SACS: variants seen among roughly 807,000 people sequenced by gnomAD.
SACS encodes the protein sacsin molecular chaperone, also known as sacsin.
A neutral mutation model predicts 348.0 loss-of-function variants in SACS; 197 were observed. That is an observed-to-expected ratio of 0.57 (90% CI 0.50 to 0.64). SACS has a LOEUF of 0.64. Ranked by LOEUF, SACS falls within the 30% of genes least tolerant of loss-of-function variation. The pLI is 0.00. For synonymous variants in SACS, 1,985 were observed against 1,910.6 expected, an observed-to-expected ratio of 1.04 and a Z score of -1.02; for missense variants, 4,999 against 5,360.8, an observed-to-expected ratio of 0.93 and a Z score of 2.11.
chr13:23,372,870 T>G (rs1242108937), intron 3 of SACS, among the ~76,000 whole-genome samples: 1 of 152,208 alleles, frequency 6.6e-6, no homozygotes, highest in Non-Finnish European at 1.5e-5. Flanking sequence ...TTTTGACTTT[T>G]GCAAAGTCTC....
rs34389000 is a variant in SACS, at chr13:23,338,374, C to G, written c.5502G>C (p.Leu1834=). The change falls in exon 10 of 10, where the codon CTG becomes CTC. Residue 1834 remains leucine (L), a synonymous_variant. Transcript: ENST00000382292. ...MDTGEALKFS[L]SESGRRLGLV... ...GTCCTAGTCTTCTTCCACTCTCACT[C>G]AGGGAAAACTTCAGAGCCTCTCCTG... 1.2e-3 allele frequency: 1,868 copies of G among 1,614,096 alleles called. 19 individuals carry two copies. The African/African-American group carries it at 0.022, about 19-fold the overall frequency.
rs1303289497 is a variant in SACS, at chr13:23,336,689, G to C, written c.7187C>G (p.Thr2396Ser). ...CAAAACAAGAGCAAAATCTTCAACA[G>C]TGCATGACTGCCTCACACCCACGGT... ...FETVGVRQSCTVEDFALVLES... is the reference protein window; with the variant it reads ...FETVGVRQSCSVEDFALVLES... The change falls in exon 10 of 10, where the codon ACT becomes AGT. Residue 2396 changes from threonine (T) to serine (S), a missense_variant. Transcript: ENST00000382292. 2.5e-6 allele frequency: 4 copies of C among 1,613,684 alleles called. No individual in the cohort carries two copies. Among genetic ancestry groups the C allele is most frequent in the African/African-American group, 2.7e-5 (2 of 74,864 alleles).
chr13:23,378,324 A>G (rs1487618664), intron 2 of SACS, among the ~76,000 whole-genome samples: 1 of 152,198 alleles, frequency 6.6e-6, no homozygotes, highest in Non-Finnish European at 1.5e-5. Flanking sequence ...AGGACTTAGC[A>G]TTAGAAAGGA....
chr13:23,380,097 C>A (rs1165658763), intron 2 of SACS, among the ~76,000 whole-genome samples: 1 of 150,014 alleles, frequency 6.7e-6, no homozygotes, highest in Non-Finnish European at 1.5e-5. Flanking sequence ...GAAGGTCTCA[C>A]CCCACAGTGG....
At chr13:23,390,503 T>C (rs915999760) in intron 2 of SACS, among the ~76,000 whole-genome samples, 54 of 151,944 alleles carry the variant, frequency 3.6e-4, no homozygotes, top group Admixed American at 2.5e-3. Flanking sequence ...CTACAAAAAA[T>C]ATAAAAATTA....
chr13:23,366,135 A>C (rs1007835417), intron 5 of SACS, among the ~76,000 whole-genome samples: 2 of 152,180 alleles, frequency 1.3e-5, no homozygotes, highest in Admixed American at 6.5e-5. Flanking sequence ...GGGATCACTA[A>C]ATTGGAGGTA....
In SACS at chr13:23,377,022, TAAGTGA is replaced by T. The variant is rs577171051; in HGVS notation, c.21-1759_21-1754del. Among the ~76,000 whole-genome samples, 317 of 152,356 alleles carry T rather than the reference TAAGTGA, an allele frequency of 2.1e-3. 1 individual carries two copies. The highest frequency in any genetic ancestry group is 7.3e-3 in the African/African-American group (303 of 41,582). On this transcript the variant is annotated intron_variant, in intron 2 of 9. Coordinates refer to ENST00000382292, the MANE Select transcript of SACS (RefSeq NM_014363.6). Reference sequence around the variant, plus strand: ...TGGGTGACCCTTGCAGACATTCTGCTAAGTGAAAGAAGCCAGTCACTGAAGACCACA... The same window carrying T: ...TGGGTGACCCTTGCAGACATTCTGCTAAGAAGCCAGTCACTGAAGACCACA...
At chr13:23,369,181 G>A (rs890974524) in intron 4 of SACS, among the ~76,000 whole-genome samples, 1 of 152,162 alleles carries the variant, frequency 6.6e-6, no homozygotes, top group African/African-American at 2.4e-5. Context: ...AGAGACAGAG[G>A]TGCCTATTAT....
At chr13:23,368,110 T>C (rs1251161759) in intron 5 of SACS, among the ~76,000 whole-genome samples, 1 of 148,424 alleles carries the variant, frequency 6.7e-6, no homozygotes, top group Non-Finnish European at 1.5e-5. Flanking sequence ...TTGGTTGACG[T>C]GTAAAGCCCT....
At position 23,338,194 on chromosome 13, in the gene SACS, T is replaced by A; in HGVS notation, c.5682A>T (p.Ser1894=). The part of the protein sequence containing the change: ...VHINGCFAVT[S]NRKEIWKTDT... ...CTGTTTTCCAGATTTCTTTCCTATT[T>A]GATGTAACAGCAAAGCACCCATTGA... The change falls in exon 10 of 10, where the codon TCA becomes TCT. Residue 1894 remains serine, a synonymous_variant. Transcript: ENST00000382292. The A allele has an allele frequency of 6.2e-7, 1 of 1,614,156 alleles. No individual in the cohort carries two copies. The highest frequency in any genetic ancestry group is 8.5e-7 in the Non-Finnish European group (1 of 1,180,012).
In SACS at chr13:23,354,509, G is replaced by A. The variant is rs751417820; in HGVS notation, c.2093+10C>T. ...AGAGTGAACAGGAATGTTAGAAGGG[G>A]GACCCCTACCTTGGATATTCTGCTG... On this transcript the variant is annotated intron_variant, in intron 8 of 9. Coordinates refer to ENST00000382292, the MANE Select transcript of SACS (RefSeq NM_014363.6). 3.1e-6 allele frequency: 5 copies of A among 1,612,596 alleles called. No individual in the cohort carries two copies. The African/African-American group carries it at 5.3e-5, about 17-fold the overall frequency.
chr13:23,331,506 G>A lies in SACS; in HGVS notation c.12370C>T (p.Leu4124=), dbSNP rs2137559122. Residue 4124 remains leucine (L), a synonymous_variant, in exon 10 of 10, where the codon CTA becomes TTA. Transcript: ENST00000382292. The part of the protein sequence containing the change: ...ISDTSYLIAM[L]GCNDIYRIGE... ...ATCCTGTAAATATCATTGCATCCTA[G>A]CATAGCAATTAAATATGAAGTGTCA... 1 of 1,613,780 alleles carries A rather than the reference G, an allele frequency of 6.2e-7. No individual in the cohort carries two copies. The highest frequency in any genetic ancestry group is 8.5e-7 in the Non-Finnish European group (1 of 1,179,812).
rs2137627584 is a variant in SACS at position 23,339,419 on chromosome 13, T to A, written c.4457A>T (p.Asp1486Val). The change falls in exon 10 of 10, where the codon GAT (aspartate) becomes GTT (valine). Residue 1486 changes from aspartate to valine, a missense_variant. By Grantham distance (152) the Asp-to-Val change is radical. Coordinates refer to ENST00000382292, the MANE Select transcript of SACS (RefSeq NM_014363.6). ...DIFKELLQNA[D>V]DANATECSFL... ...ACTGCATTCTGTTGCATTTGCATCATCAGCGTTTTGAAGTAGTTCTTTAAA... is the reference window on the plus strand; with the variant it reads ...ACTGCATTCTGTTGCATTTGCATCAACAGCGTTTTGAAGTAGTTCTTTAAA... The A allele has an allele frequency of 5.6e-6, 9 of 1,609,422 alleles. No homozygotes were observed. The highest frequency in any genetic ancestry group is 1.1e-5 in the South Asian group (1 of 89,708).
At chr13:23,384,462 A>G (rs1872190437) in intron 2 of SACS, among the ~76,000 whole-genome samples, 1 of 152,214 alleles carries the variant, frequency 6.6e-6, no homozygotes, top group South Asian at 2.1e-4. Context: ...ACAAATTTAA[A>G]TTAGGGGAAG....
At chr13:23,416,487 G>A (rs867806686) in intron 1 of SACS, among the ~76,000 whole-genome samples, 22 of 152,240 alleles carry the variant, frequency 1.4e-4, no homozygotes, top group Middle Eastern at 3.4e-3. Flanking sequence ...ACCGGGCACC[G>A]TGGTTCACGC....
At chr13:23,386,252 T>A (rs1872287709) in intron 2 of SACS, among the ~76,000 whole-genome samples, 2 of 152,246 alleles carry the variant, frequency 1.3e-5, no homozygotes, top group African/African-American at 4.8e-5. Flanking sequence ...GACTGTTTCA[T>A]CTACATTGAA....
In SACS at chr13:23,375,216, G is replaced by A; in HGVS notation, c.74C>T (p.Ala25Val). The A allele has an allele frequency of 6.7e-7, 1 of 1,499,554 alleles. No individual in the cohort carries two copies. The highest frequency in any genetic ancestry group is 8.9e-7 in the Non-Finnish European group (1 of 1,123,720). The allele number at this position is 1,499,554 out of a possible 1,614,324, so 92.9% of individuals were successfully genotyped here. A position where few individuals can be genotyped will look rare whatever the true frequency, so the allele number is the denominator to read the frequency against. The part of the protein sequence containing the change: ...PGCVGCRTVA[A>V]LASWTVRDVK... Reference sequence around the variant, plus strand: ...ATCGCGCACGGTCCAGGACGCCAGCGCCGCGACGGTCCTGCAGCCCACGCA... The same window carrying A: ...ATCGCGCACGGTCCAGGACGCCAGCACCGCGACGGTCCTGCAGCCCACGCA... The change falls in exon 3 of 10, where the codon GCG (alanine) becomes GTG (valine). Residue 25 changes from alanine to valine, a missense_variant. By Grantham distance (64) the Ala-to-Val change is moderately conservative. Around this residue, in one of 6 missense-constraint regions of SACS, gnomAD observed 3,156 missense variants for 3,380.1 expected, o/e 0.93. Coordinates refer to ENST00000382292, the MANE Select transcript of SACS (RefSeq NM_014363.6).
In SACS at chr13:23,337,429, A is replaced by G. The variant is rs373110459; in HGVS notation, c.6447T>C (p.Val2149=). The G allele has an allele frequency of 2.0e-5, 32 of 1,612,656 alleles. No individual in the cohort carries two copies. The highest frequency in any genetic ancestry group is 2.6e-5 in the Non-Finnish European group (31 of 1,179,436). Residue 2149 remains valine (V), a synonymous_variant, in exon 10 of 10, where the codon GTT becomes GTC. Coordinates refer to ENST00000382292, the MANE Select transcript of SACS (RefSeq NM_014363.6). ...YLNPIILIKL[V]QLGMAKDDIL... is the part of the protein sequence containing the mutation. ...TATCATCTTTTGCCATACCTAACTG[A>G]ACTAGTTTAATCAAAATAATAGGAT...
chr13:23,374,032 G>A (rs1871580744), intron 3 of SACS: 1 of 152,178 alleles, frequency 6.6e-6, no homozygotes, highest in Non-Finnish European at 1.5e-5. Flanking sequence ...GACGACTCTG[G>A]TGATGACATG....
Sources: allele counts gnomAD v4.1 joint callset (sites outside exome capture counted in the v4.1 genomes callset), GRCh38; gene constraint gnomAD v4.1.1; regional missense constraint gnomAD v4.1.1; transcripts MANE v1.5; gene names NCBI Gene and HGNC (gene_info 2026-07-23, HGNC 2026-07-21).